COA1: variants seen among roughly 807,000 people sequenced by gnomAD.
COA1 encodes cytochrome c oxidase assembly factor 1.
A neutral mutation model predicts 16.0 loss-of-function variants in COA1; 13 were observed. The observed-to-expected ratio is 0.81, with a 90% CI of 0.53 to 1.29. The LOEUF (loss-of-function observed/expected upper bound fraction) is 1.29. Ranked by LOEUF, COA1 falls within the 50% of genes most tolerant of loss-of-function variation. The probability of loss-of-function intolerance (pLI) is 0.00; values close to 1 mark genes in which losing one functional copy is unlikely to be tolerated. For missense variants in COA1, 179 were observed against 177.0 expected (o/e 1.01, Z -0.06); for synonymous variants, 65 against 65.7 (o/e 0.99, Z 0.05).
At chr7:43,614,768 A>G (rs370582550) in intron 6 of COA1, among the ~76,000 whole-genome samples, 99 of 152,350 alleles carry the variant, frequency 6.5e-4, no homozygotes, top group African/African-American at 2.2e-3. Flanking sequence ...TCATAGATGC[A>G]TGTAACAGGG....
intron 4 of COA1, chr7:43,641,420 A>G (rs1006191984): frequency 6.6e-6 from 1 of 152,218 alleles, no homozygotes; most frequent in East Asian, 1.9e-4. Context: ...TAATCCAACA[A>G]AATAACAATA....
chr7:43,729,106 C>G (rs1177666956), intron 1 of COA1, among the ~76,000 whole-genome samples: 3 of 152,196 alleles, frequency 2.0e-5, no homozygotes, highest in Non-Finnish European at 4.4e-5. Context: ...ACAAAAGTGC[C>G]CAGTCCCAAC....
chr7:43,660,434 C>T (rs2092307624), intron 1 of COA1, among the ~76,000 whole-genome samples: 1 of 152,124 alleles, frequency 6.6e-6, no homozygotes. Context: ...CTCATAAAAA[C>T]AAAAGTGGCT....
intron 1 of COA1, among the ~76,000 whole-genome samples, chr7:43,694,406 C>A (rs1563396155): frequency 6.6e-6 from 1 of 152,060 alleles, no homozygotes; most frequent in Non-Finnish European, 1.5e-5. Flanking sequence ...TGAAAACACA[C>A]CAACTTAACT....
intron 3 of COA1, chr7:43,645,635 A>C: frequency 2.3e-6 from 1 of 429,194 alleles, no homozygotes; most frequent in East Asian, 4.4e-5. Flanking sequence ...CCTTGACCTC[A>C]TGCAGACCCT....
downstream of COA1, among the ~76,000 whole-genome samples, chr7:43,634,998 G>A (rs770690275): frequency 3.3e-5 from 5 of 152,170 alleles, no homozygotes; most frequent in Admixed American, 2.0e-4. Flanking sequence ...TTTTATGGAA[G>A]TCCAGGCTGC....
chr7:43,722,559 C>T (rs886161470), intron 1 of COA1, among the ~76,000 whole-genome samples: 4 of 152,274 alleles, frequency 2.6e-5, no homozygotes, highest in Middle Eastern at 3.4e-3. Context: ...CATGCCATCA[C>T]GCCCAGCTAA....
chr7:43,617,177 A>G (rs949550054), intron 6 of COA1, among the ~76,000 whole-genome samples: 2 of 152,170 alleles, frequency 1.3e-5, no homozygotes, highest in African/African-American at 4.8e-5. Context: ...CTGGAGAGCT[A>G]GTTAGGCAGA....
chr7:43,670,275 A>G (rs550896445), intron 1 of COA1, among the ~76,000 whole-genome samples: 1 of 152,164 alleles, frequency 6.6e-6, no homozygotes, highest in East Asian at 1.9e-4. Context: ...ATGGTGAAAC[A>G]TGATCTCTAC....
downstream of COA1, among the ~76,000 whole-genome samples, chr7:43,638,431 AT>A (rs1163748843): frequency 1.1e-4 from 17 of 152,180 alleles, no homozygotes; most frequent in African/African-American, 4.1e-4. Context: ...TTGCTTTATA[AT>A]ATGTTTCCTT....
chr7:43,703,590 C>A (rs1485703577), intron 1 of COA1, among the ~76,000 whole-genome samples: 1 of 152,032 alleles, frequency 6.6e-6, no homozygotes, highest in Non-Finnish European at 1.5e-5. Flanking sequence ...CTATGTAATG[C>A]CCTTCTTTGT....
intron 6 of COA1, among the ~76,000 whole-genome samples, chr7:43,614,272 G>A (rs943295290): frequency 3.9e-5 from 6 of 152,054 alleles, no homozygotes; most frequent in Non-Finnish European, 8.8e-5. Context: ...TTTACGGACC[G>A]TCTGCAGGTT....
At chr7:43,613,983 A>C (rs1259118746) in intron 6 of COA1, among the ~76,000 whole-genome samples, 1 of 152,204 alleles carries the variant, frequency 6.6e-6, no homozygotes, top group African/African-American at 2.4e-5. Context: ...ATTCCTAAAC[A>C]GTCCCCCAAA....
chr7:43,724,973 G>A (rs924446160), intron 1 of COA1, among the ~76,000 whole-genome samples: 6 of 152,158 alleles, frequency 3.9e-5, no homozygotes, highest in African/African-American at 1.4e-4. Context: ...GCGCAGTGGC[G>A]CACGCCTGCA....
At chr7:43,629,890 G>A (rs555209423) in intron 6 of COA1, among the ~76,000 whole-genome samples, 45 of 152,244 alleles carry the variant, frequency 3.0e-4, no homozygotes, top group African/African-American at 1.0e-3. Flanking sequence ...CCATTTTAAC[G>A]TCCAAAGTAG....
At chr7:43,614,950 C>A (rs1209955657) in intron 6 of COA1, among the ~76,000 whole-genome samples, 2 of 152,076 alleles carry the variant, frequency 1.3e-5, no homozygotes, top group Non-Finnish European at 2.9e-5. Flanking sequence ...TTTAAGGGAA[C>A]AAATGGTATT....
At chr7:43,711,084 C>G (rs925841950) in intron 1 of COA1, among the ~76,000 whole-genome samples, 7 of 151,660 alleles carry the variant, frequency 4.6e-5, no homozygotes, top group African/African-American at 1.7e-4. Context: ...ATATCCCATC[C>G]CACATTTTTT....
downstream of COA1, among the ~76,000 whole-genome samples, chr7:43,636,824 C>T (rs1354294530): frequency 6.6e-6 from 1 of 152,222 alleles, no homozygotes; most frequent in East Asian, 1.9e-4. Context: ...CTTGTCAGTA[C>T]ACATTCAGCA....
At chr7:43,652,358 G>A (rs1038207245) in intron 1 of COA1, among the ~76,000 whole-genome samples, 5 of 152,218 alleles carry the variant, frequency 3.3e-5, no homozygotes, top group Admixed American at 2.0e-4. Context: ...TAACTACTAC[G>A]GACCAGGCAC....
Sources: allele counts gnomAD v4.1 joint callset (sites outside exome capture counted in the v4.1 genomes callset), GRCh38; gene constraint gnomAD v4.1.1; transcripts MANE v1.5; gene names NCBI Gene and HGNC (gene_info 2026-07-23, HGNC 2026-07-21).